The following TOM1L1 variants were observed in gnomAD, a reference collection of about 807,000 sequenced individuals.
TOM1L1 encodes the protein target of myb1 like 1 membrane trafficking protein.
Under a neutral mutation model 63.4 loss-of-function variants are expected in TOM1L1, and 64 were observed. The ratio of observed to expected loss-of-function variants is 1.01; its 90% confidence interval spans 0.83 to 1.24. TOM1L1 has a LOEUF of 1.24. Among genes scored for constraint, TOM1L1 ranks in the 50% most tolerant of loss-of-function variants. The probability of loss-of-function intolerance (pLI) is 0.00; values close to 1 mark genes in which losing one functional copy is unlikely to be tolerated. For missense variants in TOM1L1, 536 were observed against 567.0 expected, an observed-to-expected ratio of 0.95 and a Z score of 0.55; for synonymous variants, 166 against 194.4, an observed-to-expected ratio of 0.85 and a Z score of 1.22.
Position 54,900,864 on chromosome 17 carries a change from C to T in TOM1L1, c.-2C>T. 7 of 1,613,546 alleles carry T rather than the reference C, an allele frequency of 4.3e-6. No homozygotes were observed. Among genetic ancestry groups the T allele is most frequent in the Non-Finnish European group, 5.9e-6 (7 of 1,180,016 alleles). ...TCCTGGGCCCGGCCCTCTGGCGCTA[C>T]CATGGCGTTTGGCAAGAGTCACCGG... On this transcript the variant is annotated 5_prime_UTR_variant, in exon 1 of 16. Coordinates refer to ENST00000575882, the MANE Select transcript of TOM1L1 (RefSeq NM_005486.3).
chr17:54,912,037 C>G (rs2048505467), intron 3 of TOM1L1, among the ~76,000 whole-genome samples: 1 of 152,148 alleles, frequency 6.6e-6, no homozygotes, highest in Non-Finnish European at 1.5e-5. Context: ...ACTTATCTCC[C>G]CCTTCATAAC....
chr17:54,905,855 C>T (rs9908752), intron 3 of TOM1L1, among the ~76,000 whole-genome samples: 44,191 of 152,018 alleles, frequency 0.29, 6,454 homozygotes, highest in Non-Finnish European at 0.3. Context: ...ACATGTATTA[C>T]ACATGGTGAA....
chr17:54,904,780 T>C (rs1347206326), intron 2 of TOM1L1, among the ~76,000 whole-genome samples: 1 of 152,220 alleles, frequency 6.6e-6, no homozygotes, highest in Non-Finnish European at 1.5e-5. Context: ...CATATTAAAG[T>C]GATAACTGGC....
intron 8 of TOM1L1, 21 bp from the exon 9 acceptor site, chr17:54,936,628 G>T: frequency 1.3e-6 from 2 of 1,576,200 alleles, no homozygotes; most frequent in Non-Finnish European, 1.7e-6. Context: ...AAAAACACAT[G>T]CATTTTGATC....
At chr17:54,925,919 C>CA (rs1555609777) in intron 7 of TOM1L1, among the ~76,000 whole-genome samples, 6 of 149,568 alleles carry the variant, frequency 4.0e-5, no homozygotes, top group Admixed American at 6.7e-5. Flanking sequence ...AAAACAACAA[C>CA]AAAAAAAAAA....
intron 7 of TOM1L1, among the ~76,000 whole-genome samples, chr17:54,929,232 G>A (rs1234966678): frequency 6.6e-6 from 1 of 152,172 alleles, no homozygotes; most frequent in African/African-American, 2.4e-5. Flanking sequence ...AAAAAAGTCA[G>A]TTGTAAGGCA....
chr17:54,949,539 G>C lies in TOM1L1; in HGVS notation c.1204G>C (p.Val402Leu). 6.2e-7 allele frequency: 1 copy of C among 1,613,860 alleles called. No homozygotes were observed. The highest frequency in any genetic ancestry group is 8.5e-7 in the Non-Finnish European group (1 of 1,179,812). Residue 402 changes from valine (V) to leucine (L), a missense_variant, in exon 13 of 16, where the codon GTG (valine) becomes CTG (leucine). Physicochemically the swap from Val to Leu is conservative, Grantham distance 32 (BLOSUM62 1). Transcript: ENST00000575882. ...TCAGTTTCTGGAACATTCAAATTCA[G>C]TGTTTCTACAGCCAGTTAGTCTACA... is the stretch of plus-strand genomic sequence containing the variant. ...YDNFLEHSNS[V>L]FLQPVSLQTI...
At chr17:54,937,305 A>G in intron 10 of TOM1L1, 79 bp downstream of exon 10, 2 of 1,131,074 alleles carry the variant, frequency 1.8e-6, no homozygotes, top group Admixed American at 1.7e-5. Flanking sequence ...GTGATTAAAT[A>G]CCACCTAAGA....
chr17:54,913,682 A>C, intron 4 of TOM1L1, 66 bp from the exon 5 acceptor site: 1 of 1,467,856 alleles, frequency 6.8e-7, no homozygotes, highest in South Asian at 1.2e-5. Context: ...AAAAAAAAAA[A>C]AAAGAATTGT....
At chr17:54,936,140 C>G (rs1189185505) in intron 8 of TOM1L1, among the ~76,000 whole-genome samples, 2 of 150,224 alleles carry the variant, frequency 1.3e-5, no homozygotes, top group African/African-American at 4.9e-5. Context: ...AAAAAAACCA[C>G]AGTGAAATAG....
intron 3 of TOM1L1, among the ~76,000 whole-genome samples, chr17:54,909,729 CA>C (rs1360351058): frequency 2.0e-5 from 3 of 152,124 alleles, no homozygotes; most frequent in African/African-American, 7.2e-5. Flanking sequence ...CAGCCAAGCC[CA>C]AAAGATCAGT....
At chr17:54,905,448 C>T in intron 2 of TOM1L1, 41 bp from the exon 3 acceptor site, 1 of 1,333,698 alleles carries the variant, frequency 7.5e-7, no homozygotes, top group Non-Finnish European at 1.1e-6. Context: ...TTGTTTTCAG[C>T]AATGCCTAAA....
At chr17:54,947,502 T>C (rs2049140269) in intron 12 of TOM1L1, 190 bp downstream of exon 12, 1 of 627,018 alleles carries the variant, frequency 1.6e-6, no homozygotes, top group Non-Finnish European at 2.8e-6. Flanking sequence ...TTTCCTTGTA[T>C]TCTCTTTGAC....
intron 3 of TOM1L1, among the ~76,000 whole-genome samples, chr17:54,908,345 C>G (rs980115140): frequency 1.3e-5 from 2 of 152,178 alleles, no homozygotes; most frequent in Non-Finnish European, 2.9e-5. Context: ...TCGTCTCAGA[C>G]TACTCACTGC....
intron 11 of TOM1L1, among the ~76,000 whole-genome samples, chr17:54,944,415 A>C (rs12165033): frequency 0.011 from 1,615 of 151,106 alleles, 26 homozygotes; most frequent in African/African-American, 0.036. Flanking sequence ...GTGCCACTGC[A>C]CTCCAGCCTG....
intron 3 of TOM1L1, 125 bp downstream of exon 3, chr17:54,905,692 T>C: frequency 1.6e-6 from 1 of 623,022 alleles, no homozygotes; most frequent in South Asian, 2.2e-5. Flanking sequence ...AGGAGTTGTG[T>C]ACAGTATGAC....
chr17:54,931,094 T>C (rs149898966), intron 8 of TOM1L1, among the ~76,000 whole-genome samples: 54 of 152,252 alleles, frequency 3.5e-4, no homozygotes, highest in African/African-American at 1.3e-3. Flanking sequence ...GCAGTGTTTC[T>C]GTTGAGAATT....
chr17:54,913,665 CAAAAAAAAAAA>C, intron 4 of TOM1L1, 72 bp from the exon 5 acceptor site: 15 of 1,076,670 alleles, frequency 1.4e-5, no homozygotes, highest in Non-Finnish European at 1.7e-5. Context: ...GACTCTGTCT[CAAAAAAAAAAA>C]AAAAAAAAAG....
At chr17:54,939,809 C>T (rs553118673) in intron 11 of TOM1L1, among the ~76,000 whole-genome samples, 5 of 152,254 alleles carry the variant, frequency 3.3e-5, no homozygotes, top group South Asian at 2.1e-4. Flanking sequence ...GTGATCCTCC[C>T]GCCTTGGCCT....
Sources: gnomAD v4.1 joint callset for allele counts (sites outside exome capture counted in the v4.1 genomes callset) on GRCh38, gnomAD v4.1.1 for gene constraint, MANE v1.5 for transcripts, NCBI Gene and HGNC (gene_info 2026-07-23, HGNC 2026-07-21) for gene names.